The following POLR1F variants were observed in gnomAD, a reference collection of about 807,000 sequenced individuals.
POLR1F encodes RNA polymerase I subunit F.
Under a neutral mutation model 21.8 loss-of-function variants are expected in POLR1F, and 23 were observed. The observed-to-expected ratio is 1.05, with a 90% CI of 0.76 to 1.49. The LOEUF (loss-of-function observed/expected upper bound fraction) is 1.49, where lower values mean the gene tolerates loss of function less well. Ranked by LOEUF, POLR1F falls within the 40% of genes most tolerant of loss-of-function variation. The pLI is 0.00. For missense variants in POLR1F, 435 were observed against 412.1 expected, an observed-to-expected ratio of 1.06 and a Z score of -0.48; for synonymous variants, 162 against 152.8, an observed-to-expected ratio of 1.06 and a Z score of -0.45.
rs750195781 is a variant in POLR1F, at chr7:19,709,009, G to T, written c.8C>A (p.Ala3Glu). Reference protein sequence around the residue: MAAGCSEAPRPAA... With the variant: MAEGCSEAPRPAA... ...TGGCCGCGGCGCCTCTGAGCAACCT[G>T]CAGCCATGCTGCTTGTCAAGGTTCC... is the stretch of plus-strand genomic sequence containing the variant. Residue 3 changes from alanine to glutamate, a missense_variant, in exon 1 of 4, where the codon GCA becomes GAA. Transcript: ENST00000222567. 1 of 1,581,574 alleles carries T rather than the reference G, an allele frequency of 6.3e-7. No homozygotes were observed. Among genetic ancestry groups the T allele is most frequent in the South Asian group, 1.1e-5 (1 of 90,422 alleles).
intron 2 of POLR1F, 40 bp from the exon 3 acceptor site, chr7:19,700,320 A>G (rs1356076358): frequency 6.6e-7 from 1 of 1,515,270 alleles, no homozygotes; most frequent in Non-Finnish European, 9.1e-7. Flanking sequence ...CATAAAGAAC[A>G]CATCCACAAA....
rs746455076 is a variant in POLR1F at position 19,704,759 on chromosome 7, G to GA, written c.396+19dup. ...TTATAGAATTATACAAAGGGAGCTA[G>GA]AAAAAAGTGATACACATACCATAAG... On this transcript the variant is annotated intron_variant, in intron 2 of 3. Coordinates refer to ENST00000222567, the MANE Select transcript of POLR1F (RefSeq NM_001002926.2). 4.5e-6 allele frequency: 7 copies of GA among 1,572,338 alleles called. No individual in the cohort carries two copies. The highest frequency in any genetic ancestry group is 1.2e-5 in the South Asian group (1 of 81,594).
chr7:19,700,601 T>C (rs1390622424), intron 2 of POLR1F, among the ~76,000 whole-genome samples: 1 of 152,092 alleles, frequency 6.6e-6, no homozygotes, highest in African/African-American at 2.4e-5. Flanking sequence ...AAAAAAACCA[T>C]CTCAACTCCC....
chr7:19,702,904 G>A (rs1783463680), intron 2 of POLR1F, among the ~76,000 whole-genome samples: 1 of 152,158 alleles, frequency 6.6e-6, no homozygotes, highest in African/African-American at 2.4e-5. Context: ...TAAATGAAGT[G>A]TTGAATGGGA....
At chr7:19,703,793 T>C (rs1583402416) in intron 2 of POLR1F, among the ~76,000 whole-genome samples, 1 of 152,106 alleles carries the variant, frequency 6.6e-6, no homozygotes, top group Non-Finnish European at 1.5e-5. Flanking sequence ...GAGGTCTCAC[T>C]ATGTTGCCCA....
chr7:19,703,653 G>T (rs1388579158), intron 2 of POLR1F, among the ~76,000 whole-genome samples: 1 of 152,094 alleles, frequency 6.6e-6, no homozygotes, highest in African/African-American at 2.4e-5. Context: ...GGAATGCATT[G>T]GCGCAATCAT....
chr7:19,706,381 T>G (rs1052847422), intron 1 of POLR1F, among the ~76,000 whole-genome samples: 1 of 152,188 alleles, frequency 6.6e-6, no homozygotes, highest in Non-Finnish European at 1.5e-5. Flanking sequence ...CAAGACTTTA[T>G]TTCCGCTAAT....
intron 2 of POLR1F, among the ~76,000 whole-genome samples, chr7:19,701,975 G>A (rs766063368): frequency 5.3e-5 from 8 of 152,156 alleles, no homozygotes; most frequent in Non-Finnish European, 1.0e-4. Flanking sequence ...CTGTGTGTCA[G>A]TGTACGTTTC....
chr7:19,700,380 A>C, intron 2 of POLR1F, 100 bp from the exon 3 acceptor site: 1 of 883,216 alleles, frequency 1.1e-6, no homozygotes, highest in Non-Finnish European at 1.8e-6. Context: ...TTCAAAGAAC[A>C]AACATCAAAT....
At chr7:19,702,729 C>A (rs1453224706) in intron 2 of POLR1F, among the ~76,000 whole-genome samples, 1 of 151,900 alleles carries the variant, frequency 6.6e-6, no homozygotes, top group African/African-American at 2.4e-5. Context: ...ATACAAAAAC[C>A]CAATTAAAAA....
chr7:19,698,805 C>T (rs1783411445), intron 3 of POLR1F, 78 bp from the exon 4 acceptor site: 1 of 1,235,004 alleles, frequency 8.1e-7, no homozygotes, highest in Non-Finnish European at 1.1e-6. Context: ...GATATCCCAA[C>T]AGGCTAAGAT....
chr7:19,702,249 A>G (rs1055152165), intron 2 of POLR1F, among the ~76,000 whole-genome samples: 12 of 152,194 alleles, frequency 7.9e-5, no homozygotes, highest in African/African-American at 2.9e-4. Context: ...TGGGAACTCT[A>G]TACTCTCCAT....
intron 2 of POLR1F, among the ~76,000 whole-genome samples, chr7:19,701,052 G>C (rs1187109095): frequency 6.6e-6 from 1 of 152,130 alleles, no homozygotes; most frequent in East Asian, 1.9e-4. Flanking sequence ...ATGCCGATGT[G>C]TATACAATGC....
rs1783431101 is a variant in POLR1F at position 19,700,219 on chromosome 7, G to T, written c.458C>A (p.Ala153Asp). 6.2e-7 allele frequency: 1 copy of T among 1,613,714 alleles called. No homozygotes were observed. Among genetic ancestry groups the T allele is most frequent in the Admixed American group, 1.7e-5 (1 of 59,960 alleles). The change falls in exon 3 of 4, where the codon GCC (alanine) becomes GAC (aspartate). Residue 153 changes from alanine (A) to aspartate (D), a missense_variant. Physicochemically the swap from Ala to Asp is moderately radical, Grantham distance 126 (BLOSUM62 -2). Coordinates refer to ENST00000222567, the MANE Select transcript of POLR1F (RefSeq NM_001002926.2). ...IGCLVHGCFN[A>D]SIPKPEQLSA... Reference sequence around the variant, plus strand: ...CAACTGCTCAGGTTTAGGAATGGAGGCATTGAAACACCCATGTACTAAACA... The same window carrying T: ...CAACTGCTCAGGTTTAGGAATGGAGTCATTGAAACACCCATGTACTAAACA...
chr7:19,708,050 C>T (rs966343817), intron 1 of POLR1F, among the ~76,000 whole-genome samples: 3 of 151,946 alleles, frequency 2.0e-5, no homozygotes, highest in African/African-American at 7.3e-5. Flanking sequence ...CCGCGCCCCC[C>T]GCCCCACACC....
In POLR1F at chr7:19,703,577, A is replaced by G. The variant is rs184874948; in HGVS notation, c.396+1202T>C. Reference sequence around the variant, plus strand: ...CAATCTGTTATTTCCATGTACATGTATATATGTTATTTCCGTGTATGTGTG... The same window carrying G: ...CAATCTGTTATTTCCATGTACATGTGTATATGTTATTTCCGTGTATGTGTG... On this transcript the variant is annotated intron_variant, in intron 2 of 3. Coordinates refer to ENST00000222567, the MANE Select transcript of POLR1F (RefSeq NM_001002926.2). 1.4e-4 allele frequency among the ~76,000 whole-genome samples: 21 copies of G among 152,138 alleles called. No homozygotes were observed. The East Asian group carries it at 3.5e-3, about 25-fold the overall frequency.
chr7:19,703,814 A>G (rs1208629196), intron 2 of POLR1F, among the ~76,000 whole-genome samples: 2 of 152,110 alleles, frequency 1.3e-5, no homozygotes, highest in East Asian at 1.9e-4. Flanking sequence ...CGTTGGTCTT[A>G]AACTCCTGGC....
rs556027570 is a variant in POLR1F at position 19,697,437 on chromosome 7, A to C, written c.*879T>G. On this transcript the variant is annotated 3_prime_UTR_variant, in exon 4 of 4. Coordinates refer to ENST00000222567, the MANE Select transcript of POLR1F (RefSeq NM_001002926.2). ...CTTGTCATTTCATTACACTTTGTCA[A>C]TTAGTCAAGAGACATTCCACATTTT... 6.6e-6 allele frequency: 1 copy of C among 152,196 alleles called. No individual in the cohort carries two copies. The highest frequency in any genetic ancestry group is 2.1e-4 in the South Asian group (1 of 4,832). 9.4% of individuals were successfully genotyped at this position (152,196 alleles called of 1,614,324 possible). A position where few individuals can be genotyped will look rare whatever the true frequency, so the allele number is the denominator to read the frequency against.
Position 19,695,528 on chromosome 7 carries a change from G to C in POLR1F, c.*2788C>G, listed in dbSNP as rs1030931908. Reference sequence around the variant, plus strand: ...TCTGTTGATGCTTTCATTATACAAAGGATTCACTGTTAAATACTATAGATA... The same window carrying C: ...TCTGTTGATGCTTTCATTATACAAACGATTCACTGTTAAATACTATAGATA... On this transcript the variant is annotated 3_prime_UTR_variant, in exon 4 of 4. Coordinates refer to ENST00000222567, the MANE Select transcript of POLR1F (RefSeq NM_001002926.2). The C allele has an allele frequency of 6.6e-6, 1 of 151,908 alleles. No individual in the cohort carries two copies. The highest frequency in any genetic ancestry group is 1.5e-5 in the Non-Finnish European group (1 of 67,940). 9.4% of individuals were successfully genotyped at this position (151,908 alleles called of 1,614,324 possible).
Sources: allele counts gnomAD v4.1 joint callset (sites outside exome capture counted in the v4.1 genomes callset), GRCh38; gene constraint gnomAD v4.1.1; transcripts MANE v1.5; gene names NCBI Gene and HGNC (gene_info 2026-07-23, HGNC 2026-07-21).